Variants in CYTH1 observed in about 807,000 individuals in gnomAD.
CYTH1 encodes cytohesin-1.
Under a neutral mutation model 61.8 loss-of-function variants are expected in CYTH1, and 18 were observed. The ratio of observed to expected loss-of-function variants is 0.29; its 90% confidence interval spans 0.20 to 0.43. The LOEUF (loss-of-function observed/expected upper bound fraction) is 0.43, where lower values mean the gene tolerates loss of function less well. Ranked by LOEUF, CYTH1 falls within the 20% of genes least tolerant of loss-of-function variation. The pLI is 1.00. For synonymous variants in CYTH1, 174 were observed against 184.3 expected (o/e 0.94, Z 0.45); for missense variants, 336 against 510.5 (o/e 0.66, Z 3.29).
At chr17:78,699,576 T>C (rs1341876743) in intron 7 of CYTH1, among the ~76,000 whole-genome samples, 5 of 152,176 alleles carry the variant, frequency 3.3e-5, no homozygotes, top group African/African-American at 1.2e-4. Context: ...CAAAATGACC[T>C]GTAATGACCC....
intron 1 of CYTH1, among the ~76,000 whole-genome samples, chr17:78,778,439 ACCAG>A (rs1567889833): frequency 6.6e-6 from 1 of 151,752 alleles, no homozygotes; most frequent in Non-Finnish European, 1.5e-5. Context: ...GGAGTTTAAG[ACCAG>A]CCTGGCCAAT....
chr17:78,712,659 AAAT>A (rs997453585), intron 1 of CYTH1, among the ~76,000 whole-genome samples: 8 of 151,788 alleles, frequency 5.3e-5, no homozygotes, highest in Non-Finnish European at 8.8e-5. Flanking sequence ...TCTGTCTCAA[AAAT>A]AATAATAATA....
At chr17:78,760,519 A>ATATATACATACATATATATG (rs2093423049) in intron 1 of CYTH1, among the ~76,000 whole-genome samples, 6 of 47,594 alleles carry the variant, frequency 1.3e-4, no homozygotes, top group African/African-American at 5.1e-4. Flanking sequence ...ATATATATGT[A>ATATATACATACATATATATG]TATATATATA....
intron 13 of CYTH1, among the ~76,000 whole-genome samples, chr17:78,678,986 T>G (rs2092729959): frequency 6.6e-6 from 1 of 152,222 alleles, no homozygotes. Context: ...TCAGATTACT[T>G]TTGAGAGGAT....
chr17:78,760,466 T>C (rs1456096158), intron 1 of CYTH1, among the ~76,000 whole-genome samples: 3 of 48,234 alleles, frequency 6.2e-5, no homozygotes, highest in South Asian at 6.0e-4. Context: ...CATACATATA[T>C]ATATGTATAT....
chr17:78,701,864 C>A, intron 5 of CYTH1, 113 bp from the exon 6 acceptor site: 1 of 1,047,194 alleles, frequency 9.5e-7, no homozygotes, highest in Non-Finnish European at 1.5e-6. Flanking sequence ...GTGGCTCCTG[C>A]CCAGACAGCC....
chr17:78,706,337 G>A (rs539512233), intron 3 of CYTH1, among the ~76,000 whole-genome samples: 2 of 133,188 alleles, frequency 1.5e-5, no homozygotes, highest in South Asian at 5.0e-4. Context: ...GCACTGTCAT[G>A]ATTTCGGCTA....
At chr17:78,772,493 T>C (rs1278817816) in intron 1 of CYTH1, among the ~76,000 whole-genome samples, 1 of 152,190 alleles carries the variant, frequency 6.6e-6, no homozygotes, top group Admixed American at 6.5e-5. Flanking sequence ...AAGGAGCAGG[T>C]ATGAGCCATA....
chr17:78,685,837 ATTC>A (rs2092811187), intron 11 of CYTH1, among the ~76,000 whole-genome samples: 1 of 152,180 alleles, frequency 6.6e-6, no homozygotes, highest in Admixed American at 6.5e-5. Flanking sequence ...GTCTTGGGTC[ATTC>A]TTCTCTTCAA....
At chr17:78,725,849 G>C (rs139338285) in intron 1 of CYTH1, among the ~76,000 whole-genome samples, 104 of 152,290 alleles carry the variant, frequency 6.8e-4, no homozygotes, top group African/African-American at 2.2e-3. Context: ...CTGCAACCAA[G>C]AAGTCTACAG....
At chr17:78,767,295 C>T (rs145983032) in intron 1 of CYTH1, among the ~76,000 whole-genome samples, 91 of 152,230 alleles carry the variant, frequency 6.0e-4, no homozygotes, top group African/African-American at 1.9e-3. Context: ...TAGTGAATCC[C>T]CATGTCTAAA....
intron 3 of CYTH1, among the ~76,000 whole-genome samples, chr17:78,707,298 C>T (rs1036624255): frequency 6.6e-6 from 1 of 152,052 alleles, no homozygotes; most frequent in African/African-American, 2.4e-5. Context: ...GAATTGGAAA[C>T]AGCTCATTTA....
chr17:78,751,536 G>T (rs1488467327), intron 1 of CYTH1, among the ~76,000 whole-genome samples: 1 of 152,118 alleles, frequency 6.6e-6, no homozygotes, highest in East Asian at 1.9e-4. Flanking sequence ...CAGTATGAGG[G>T]CTGAAACAAG....
intron 1 of CYTH1, among the ~76,000 whole-genome samples, chr17:78,712,760 A>G (rs1183481431): frequency 6.6e-6 from 1 of 152,096 alleles, no homozygotes; most frequent in Non-Finnish European, 1.5e-5. Context: ...GGTTTGAAAA[A>G]CACTCTTCCT....
At chr17:78,689,570 C>T (rs757939505) in intron 11 of CYTH1, among the ~76,000 whole-genome samples, 19 of 152,216 alleles carry the variant, frequency 1.2e-4, no homozygotes, top group East Asian at 5.8e-4. Context: ...TTCCACCGCT[C>T]GCCTGCCACT....
chr17:78,678,162 T>C (rs528643336), intron 13 of CYTH1: 1 of 152,266 alleles, frequency 6.6e-6, no homozygotes, highest in South Asian at 2.1e-4. Flanking sequence ...CTCACGCTCA[T>C]GAAAGGATTG....
intron 1 of CYTH1, among the ~76,000 whole-genome samples, chr17:78,734,850 G>A (rs768806204): frequency 6.6e-6 from 1 of 152,120 alleles, no homozygotes; most frequent in Non-Finnish European, 1.5e-5. Flanking sequence ...TTTCTTAGGC[G>A]TGTTCTTTAG....
intron 3 of CYTH1, 144 bp from the exon 4 acceptor site, chr17:78,702,748 G>C: frequency 1.2e-6 from 1 of 847,812 alleles, no homozygotes; most frequent in Non-Finnish European, 1.9e-6. Flanking sequence ...AACTATGAAA[G>C]GCCAACTGAA....
intron 2 of CYTH1, among the ~76,000 whole-genome samples, chr17:78,708,631 G>A (rs1289582594): frequency 6.6e-6 from 1 of 152,210 alleles, no homozygotes; most frequent in Non-Finnish European, 1.5e-5. Flanking sequence ...AAAATTCAGA[G>A]GACAAAGTCT....
Sources: gnomAD v4.1 joint callset for allele counts (sites outside exome capture counted in the v4.1 genomes callset) on GRCh38, gnomAD v4.1.1 for gene constraint, MANE v1.5 for transcripts, NCBI Gene and HGNC (gene_info 2026-07-23, HGNC 2026-07-21) for gene names.